The following ST7 variants were observed in gnomAD, a reference collection of about 807,000 sequenced individuals.
ST7 encodes suppressor of tumorigenicity 7 protein.
In ST7, 28 loss-of-function variants were observed where a neutral mutation model predicts 78.7. The ratio of observed to expected loss-of-function variants is 0.36; its 90% CI spans 0.26 to 0.49. The LOEUF is 0.49. Among genes scored for constraint, ST7 ranks in the 20% least tolerant of loss-of-function variants. The pLI is 0.99. For synonymous variants in ST7, 247 were observed against 249.6 expected (o/e 0.99, Z 0.10); for missense variants, 418 against 696.0 (o/e 0.60, Z 4.49).
At chr7:117,044,752 T>C (rs1797405073) in intron 1 of ST7, among the ~76,000 whole-genome samples, 1 of 152,176 alleles carries the variant, frequency 6.6e-6, no homozygotes, top group Non-Finnish European at 1.5e-5. Context: ...TAATGTTTGT[T>C]CATTCATTTA....
intron 1 of ST7, among the ~76,000 whole-genome samples, chr7:117,036,679 G>C (rs1796912662): frequency 6.6e-6 from 1 of 152,034 alleles, no homozygotes; most frequent in African/African-American, 2.4e-5. Flanking sequence ...CTTTCACTGG[G>C]GTAGCCATAT....
At chr7:117,170,788 A>T in intron 9 of ST7, 74 bp from the exon 10 acceptor site, 1 of 550,380 alleles carries the variant, frequency 1.8e-6, no homozygotes, top group Non-Finnish European at 2.8e-6. Flanking sequence ...ATAAATATAT[A>T]TAATAAAATA....
intron 9 of ST7, among the ~76,000 whole-genome samples, chr7:117,164,132 G>A (rs184378266): frequency 1.8e-3 from 278 of 152,254 alleles, no homozygotes; most frequent in Non-Finnish European, 3.3e-3. Flanking sequence ...CATGGTACTG[G>A]CATCAAAACA....
intron 2 of ST7, among the ~76,000 whole-genome samples, chr7:117,110,710 C>T (rs983086777): frequency 1.4e-4 from 21 of 151,214 alleles, no homozygotes; most frequent in African/African-American, 4.4e-4. Flanking sequence ...TAATTACCTC[C>T]GTGTGGGTTG....
At chr7:117,223,851 C>A in intron 15 of ST7, 1 of 651,416 alleles carries the variant, frequency 1.5e-6, no homozygotes, top group Non-Finnish European at 1.9e-6. Context: ...ATCCCCAAGG[C>A]TTTGCACAGT....
At chr7:117,085,081 A>G (rs73210197) in intron 1 of ST7, among the ~76,000 whole-genome samples, 2,476 of 152,282 alleles carry the variant, frequency 0.016, 35 homozygotes, top group Non-Finnish European at 0.026. Flanking sequence ...TTGATTCTGT[A>G]CAAGAAAAAG....
chr7:117,023,583 A>G (rs567807041), intron 1 of ST7, among the ~76,000 whole-genome samples: 2 of 152,148 alleles, frequency 1.3e-5, no homozygotes, highest in Admixed American at 6.5e-5. Flanking sequence ...ATCTTGATGT[A>G]TTTCACTGAG....
At chr7:116,998,212 G>A (rs1010960641) in intron 1 of ST7, among the ~76,000 whole-genome samples, 3 of 152,192 alleles carry the variant, frequency 2.0e-5, no homozygotes, top group African/African-American at 7.2e-5. Flanking sequence ...TGGGGGACCC[G>A]GCGCACCCTC....
At chr7:117,217,233 G>A (rs1792755889) in intron 13 of ST7, among the ~76,000 whole-genome samples, 1 of 149,222 alleles carries the variant, frequency 6.7e-6, no homozygotes, top group South Asian at 2.1e-4. Flanking sequence ...AACTTGAACA[G>A]ATACTTAATT....
At chr7:117,047,363 A>C (rs1395955173) in intron 1 of ST7, among the ~76,000 whole-genome samples, 1 of 152,234 alleles carries the variant, frequency 6.6e-6, no homozygotes, top group South Asian at 2.1e-4. Context: ...AATTACAGGG[A>C]GTGACAACTT....
intron 7 of ST7, among the ~76,000 whole-genome samples, chr7:117,135,594 G>A (rs1804724980): frequency 6.6e-6 from 1 of 152,050 alleles, no homozygotes. Context: ...TTAGTTAACA[G>A]AAGTAAACCT....
chr7:117,063,904 C>T (rs560605429), intron 1 of ST7, among the ~76,000 whole-genome samples: 109 of 152,262 alleles, frequency 7.2e-4, no homozygotes, highest in African/African-American at 2.6e-3. Flanking sequence ...CAATTCCCGA[C>T]AGGCATTACT....
At chr7:117,034,039 C>G (rs1485966796) in intron 1 of ST7, among the ~76,000 whole-genome samples, 3 of 152,082 alleles carry the variant, frequency 2.0e-5, no homozygotes, top group African/African-American at 7.2e-5. Flanking sequence ...CCTCTGGGCT[C>G]TTGGTGATCC....
chr7:117,200,756 A>T (rs2115880082), intron 12 of ST7, among the ~76,000 whole-genome samples: 1 of 152,112 alleles, frequency 6.6e-6, no homozygotes. Flanking sequence ...AAGTCAAGAG[A>T]AAATAGAGAG....
intron 12 of ST7, among the ~76,000 whole-genome samples, chr7:117,202,991 A>AG (rs1454096416): frequency 6.6e-6 from 1 of 152,232 alleles, no homozygotes; most frequent in African/African-American, 2.4e-5. Context: ...TATGCAAAAA[A>AG]TCAGCTCTCT....
chr7:117,220,807 C>T (rs1793031736), intron 14 of ST7, among the ~76,000 whole-genome samples: 1 of 152,186 alleles, frequency 6.6e-6, no homozygotes, highest in African/African-American at 2.4e-5. Flanking sequence ...GTGTTTGAAT[C>T]CCAGCAGGCT....
At chr7:116,988,630 A>G (rs550616916) in intron 1 of ST7, among the ~76,000 whole-genome samples, 3 of 152,220 alleles carry the variant, frequency 2.0e-5, no homozygotes, top group Non-Finnish European at 4.4e-5. Context: ...TTTGAAATCT[A>G]TGTGATCATA....
intron 1 of ST7, chr7:117,020,703 A>G: frequency 1.9e-6 from 3 of 1,540,758 alleles, no homozygotes; most frequent in Middle Eastern, 1.7e-4. Flanking sequence ...CTTAGAGTTC[A>G]TATCACTTTG....
chr7:117,053,737 T>C (rs1797909938), intron 1 of ST7, among the ~76,000 whole-genome samples: 1 of 152,070 alleles, frequency 6.6e-6, no homozygotes, highest in South Asian at 2.1e-4. Context: ...TAATTTATGA[T>C]TGGTGGGAAG....
Sources: gnomAD v4.1 joint callset for allele counts (sites outside exome capture counted in the v4.1 genomes callset) on GRCh38, gnomAD v4.1.1 for gene constraint, MANE v1.5 for transcripts, NCBI Gene and HGNC (gene_info 2026-07-23, HGNC 2026-07-21) for gene names.